Variants in ADGRV1 observed in about 807,000 individuals in gnomAD.
ADGRV1 encodes the protein G-protein coupled receptor 98.
A neutral mutation model predicts 596.2 loss-of-function variants in ADGRV1; 359 were observed. The observed-to-expected ratio is 0.60, with a 90% CI of 0.55 to 0.66. ADGRV1 has a LOEUF of 0.66. Ranked by LOEUF, ADGRV1 falls within the 30% of genes least tolerant of loss-of-function variation. The probability of loss-of-function intolerance (pLI) is 0.00; values close to 1 mark genes in which losing one functional copy is unlikely to be tolerated. For missense variants in ADGRV1, 7,274 were observed against 7,575.6 expected (o/e 0.96, Z 1.48); for synonymous variants, 2,681 against 2,679.2 (o/e 1.00, Z -0.02).
intron 50 of ADGRV1, among the ~76,000 whole-genome samples, chr5:90,733,768 T>C (rs1752850680): frequency 6.6e-6 from 1 of 152,210 alleles, no homozygotes; most frequent in South Asian, 2.1e-4. Flanking sequence ...ATCCATCACT[T>C]ACTTAACATT....
chr5:90,934,925 T>A lies in ADGRV1; in HGVS notation c.17857-30490T>A, dbSNP rs915379478. ...TCTCTGGTGTGTCTTACAAGGGCAC[T>A]AATCCCATGATGAGGGCCCCACCTT... On this transcript the variant is annotated intron_variant, in intron 83 of 89. Coordinates refer to ENST00000405460, the MANE Select transcript of ADGRV1 (RefSeq NM_032119.4). 1.6e-4 allele frequency among the ~76,000 whole-genome samples: 25 copies of A among 152,280 alleles called. No homozygotes were observed. In the South Asian group the frequency reaches 1.7e-3, roughly 10 times the overall value.
chr5:91,002,540 T>C (rs531375702), intron 85 of ADGRV1, among the ~76,000 whole-genome samples: 2 of 152,292 alleles, frequency 1.3e-5, no homozygotes, highest in African/African-American at 4.8e-5. Context: ...TTTTGCTTCT[T>C]TTCCTTTGGG....
At chr5:90,802,599 T>C (rs1761489904) in intron 70 of ADGRV1, 140 bp from the exon 71 acceptor site, 2 of 678,824 alleles carry the variant, frequency 2.9e-6, no homozygotes, top group African/African-American at 3.6e-5. Flanking sequence ...GTGGTTTGTT[T>C]TGTGATGGGG....
chr5:90,904,081 G>C (rs868338276), intron 83 of ADGRV1, among the ~76,000 whole-genome samples: 1 of 152,006 alleles, frequency 6.6e-6, no homozygotes, highest in South Asian at 2.1e-4. Context: ...TTTTGTTGCA[G>C]ATGATAGGAT....
chr5:90,883,995 A>G (rs1014256422), intron 83 of ADGRV1, among the ~76,000 whole-genome samples: 1 of 152,108 alleles, frequency 6.6e-6, no homozygotes, highest in African/African-American at 2.4e-5. Context: ...GTCTCTCTCT[A>G]TTGCCCTGTG....
intron 87 of ADGRV1, among the ~76,000 whole-genome samples, chr5:91,106,095 G>A (rs989213844): frequency 2.6e-5 from 4 of 151,864 alleles, no homozygotes; most frequent in African/African-American, 7.2e-5. Context: ...TATAGTTTTG[G>A]GTCTTACATT....
chr5:90,981,313 A>G (rs922974776), intron 84 of ADGRV1, among the ~76,000 whole-genome samples: 5 of 152,230 alleles, frequency 3.3e-5, no homozygotes, highest in Non-Finnish European at 5.9e-5. Flanking sequence ...AAACGAAGCA[A>G]TCAGATACGC....
intron 34 of ADGRV1, among the ~76,000 whole-genome samples, chr5:90,697,987 G>A (rs960627553): frequency 1.3e-5 from 2 of 152,178 alleles, no homozygotes; most frequent in African/African-American, 4.8e-5. Flanking sequence ...GTGTCAGATG[G>A]TTAGTGGCTG....
At chr5:90,851,893 A>G (rs553466359) in intron 79 of ADGRV1, among the ~76,000 whole-genome samples, 13 of 152,200 alleles carry the variant, frequency 8.5e-5, no homozygotes, top group Non-Finnish European at 1.8e-4. Flanking sequence ...GAGTCTCAGT[A>G]GATGACAAAG....
Position 90,693,932 on chromosome 5 carries a change from C to G in ADGRV1, c.7176C>G (p.Ser2392=), listed in dbSNP as rs111033452. Residue 2392 remains serine (S), a synonymous_variant, in exon 33 of 90, where the codon TCC becomes TCG. Transcript: ENST00000405460. ...FGRLLLFYST[S]DIDVVALAME... ...GGCTGTTGTTGTTCTACAGTACTTC[C>G]GACATTGATGTAGTGGCTCTGGCAA... The G allele has an allele frequency of 4.6e-5, 73 of 1,595,104 alleles. No homozygotes were observed. The highest frequency in any genetic ancestry group is 4.5e-4 in the South Asian group (40 of 88,804).
Position 90,658,019 on chromosome 5 carries a change from T to G in ADGRV1, c.4493T>G (p.Leu1498Arg). The part of the protein sequence containing the change: ...RKLTLEEIYE[L>R]HAMPAKSDLH... The stretch of plus-strand genomic sequence containing the variant: ...CTGACGCTTGAAGAAATTTATGAAC[T>G]TCATGCCATGCCCGCAAAAAGTGAT... The change falls in exon 21 of 90, where the codon CTT (leucine) becomes CGT (arginine). Residue 1498 changes from leucine to arginine, a missense_variant. By Grantham distance (102) the Leu-to-Arg change is moderately radical (BLOSUM62 -2). Transcript: ENST00000405460. The G allele has an allele frequency of 1.2e-6, 2 of 1,613,942 alleles. No individual in the cohort carries two copies. Among genetic ancestry groups the G allele is most frequent in the African/African-American group, 1.3e-5 (1 of 75,038 alleles).
intron 76 of ADGRV1, 123 bp from the exon 77 acceptor site, chr5:90,828,821 T>C (rs1764275717): frequency 1.9e-6 from 1 of 527,494 alleles, no homozygotes; most frequent in African/African-American, 1.9e-5. Flanking sequence ...AATATATCTC[T>C]AGATTTATAT....
intron 70 of ADGRV1, chr5:90,791,594 T>G (rs1760086224): frequency 1.3e-5 from 6 of 462,934 alleles, no homozygotes; most frequent in Non-Finnish European, 1.9e-5. Context: ...ACTTACAAAG[T>G]TCTAGGAAAT....
chr5:90,632,325 T>C (rs1317323653), intron 9 of ADGRV1, among the ~76,000 whole-genome samples: 2 of 152,208 alleles, frequency 1.3e-5, no homozygotes, highest in African/African-American at 2.4e-5. Flanking sequence ...AGTGATGTGA[T>C]AGAAGTTTGA....
chr5:90,661,765 G>A (rs1770332333), intron 21 of ADGRV1, among the ~76,000 whole-genome samples: 1 of 152,006 alleles, frequency 6.6e-6, no homozygotes, highest in African/African-American at 2.4e-5. Context: ...TGGATGTTAG[G>A]CCCCTTCATA....
chr5:90,777,055 A>T (rs1269569162), intron 61 of ADGRV1, among the ~76,000 whole-genome samples: 1 of 152,164 alleles, frequency 6.6e-6, no homozygotes, highest in African/African-American at 2.4e-5. Context: ...TGAATAATTT[A>T]TGAAGAAAAG....
intron 85 of ADGRV1, among the ~76,000 whole-genome samples, chr5:90,989,347 A>G (rs971426576): frequency 2.6e-5 from 4 of 152,204 alleles, no homozygotes; most frequent in Non-Finnish European, 4.4e-5. Context: ...CACATTCTCT[A>G]TGAAATGTCC....
intron 30 of ADGRV1, 63 bp downstream of exon 30, chr5:90,690,139 C>G (rs891844404): frequency 1.0e-6 from 1 of 983,764 alleles, no homozygotes; most frequent in Admixed American, 2.3e-5. Flanking sequence ...AGATAATGAT[C>G]TTTACTTTTG....
chr5:90,802,656 G>C (rs1244950495), intron 70 of ADGRV1, 83 bp from the exon 71 acceptor site: 15 of 1,272,610 alleles, frequency 1.2e-5, no homozygotes, highest in Non-Finnish European at 1.5e-5. Context: ...AGCAACCTCA[G>C]GCATTATGCT....
Sources: gnomAD v4.1 joint callset for allele counts (sites outside exome capture counted in the v4.1 genomes callset) on GRCh38, gnomAD v4.1.1 for gene constraint, MANE v1.5 for transcripts, NCBI Gene and HGNC (gene_info 2026-07-23, HGNC 2026-07-21) for gene names.